The following SAMD4B variants were observed in gnomAD, a reference collection of about 807,000 sequenced individuals.
SAMD4B encodes protein Smaug homolog 2.
SAMD4B carries 5 observed loss-of-function variants against 74.5 expected under a neutral mutation model. That is an observed-to-expected ratio of 0.07 (90% CI 0.04 to 0.14). The LOEUF (loss-of-function observed/expected upper bound fraction) is 0.14, where lower values mean the gene tolerates loss of function less well. SAMD4B is among the 10% of genes least tolerant of loss of function. The pLI, the probability that SAMD4B is intolerant of heterozygous loss-of-function variation, is 1.00. For missense variants in SAMD4B, 608 were observed against 921.8 expected (o/e 0.66, Z 4.41); for synonymous variants, 373 against 374.9 (o/e 1.00, Z 0.06).
At chr19:39,345,723 G>A (rs2075655975) in intron 1 of SAMD4B, among the ~76,000 whole-genome samples, 1 of 152,112 alleles carries the variant, frequency 6.6e-6, no homozygotes, top group Non-Finnish European at 1.5e-5. Flanking sequence ...CCACAAGGTG[G>A]GATCTACTCT....
downstream of SAMD4B, chr19:39,386,405 T>C: frequency 6.2e-7 from 1 of 1,614,130 alleles, no homozygotes; most frequent in Non-Finnish European, 8.5e-7. The surrounding 1 kb of genome is among the most constrained non-coding windows in gnomAD (Gnocchi z 6.1). Context: ...GCTCCTCATC[T>C]GGAAGGGAGT....
downstream of SAMD4B, among the ~76,000 whole-genome samples, chr19:39,390,528 G>A (rs1197229369): frequency 6.6e-6 from 1 of 152,206 alleles, no homozygotes; most frequent in African/African-American, 2.4e-5. Flanking sequence ...TTTTGCAGGA[G>A]ATGGCTTCAA....
At chr19:39,367,532 C>T (rs763124615) in intron 3 of SAMD4B, among the ~76,000 whole-genome samples, 14 of 109,642 alleles carry the variant, frequency 1.3e-4, no homozygotes, top group South Asian at 5.9e-4. Flanking sequence ...TTTTTTGAGA[C>T]GGAGTCTCAC....
In SAMD4B at chr19:39,383,932, T is replaced by A; in HGVS notation, c.*405T>A. ...CCTTGTGGAGCCTGCTCAGAAACAT[T>A]TGACATTTGGGGTGACGCGCAGGGC... is the stretch of plus-strand genomic sequence containing the variant. On this transcript the variant is annotated 3_prime_UTR_variant, in exon 14 of 14. Coordinates refer to ENST00000610417, the MANE Select transcript of SAMD4B (RefSeq NM_001384574.2). This position sits in a 1 kb window ranked among gnomAD's most constrained non-coding sequence, Gnocchi z 4.1. 1 of 569,362 alleles carries A rather than the reference T, an allele frequency of 1.8e-6. No homozygotes were observed. Among genetic ancestry groups the A allele is most frequent in the Non-Finnish European group, 3.1e-6 (1 of 320,178 alleles). 35.3% of individuals were successfully genotyped at this position (569,362 alleles called of 1,614,324 possible). A position where few individuals can be genotyped will look rare whatever the true frequency, so the allele number is the denominator to read the frequency against.
chr19:39,377,574 GGCCACCGTGGCTGCC>G lies in SAMD4B; in HGVS notation c.1201_1215del (p.Val401_Thr405del). On this transcript the variant is annotated inframe_deletion, in exon 8 of 14. Coordinates refer to ENST00000610417, the MANE Select transcript of SAMD4B (RefSeq NM_001384574.2). ...CCATCAAGGCCTACAGTGTCCTCCA[GGCCACCGTGGCTGCC>G]GCCACCACCACCCCTACTGCCAAGG... The G allele has an allele frequency of 6.2e-7, 1 of 1,613,852 alleles. No homozygotes were observed. Among genetic ancestry groups the G allele is most frequent in the South Asian group, 1.1e-5 (1 of 91,010 alleles).
chr19:39,387,619 A>C (rs1336801298), downstream of SAMD4B, among the ~76,000 whole-genome samples: 1 of 152,220 alleles, frequency 6.6e-6, no homozygotes, highest in African/African-American at 2.4e-5. Flanking sequence ...AAGACTTCCC[A>C]ACTCTACACC....
At chr19:39,359,741 CTT>C (rs1308735267) in intron 3 of SAMD4B, among the ~76,000 whole-genome samples, 5 of 152,192 alleles carry the variant, frequency 3.3e-5, no homozygotes, top group Non-Finnish European at 5.9e-5. Flanking sequence ...CTTCAGAGTT[CTT>C]TAGAGCTCTT....
intron 1 of SAMD4B, chr19:39,352,039 C>T (rs2145305204): frequency 6.6e-6 from 1 of 152,390 alleles, no homozygotes; most frequent in East Asian, 1.9e-4. Context: ...CAGGCGGCCT[C>T]TGGCCCTTTA....
At chr19:39,386,516 C>CTCCTCT (rs779986893), downstream of SAMD4B, 3 of 1,614,234 alleles carry the variant, frequency 1.9e-6, no homozygotes, top group African/African-American at 1.3e-5. The surrounding 1 kb of genome is among the most constrained non-coding windows in gnomAD (Gnocchi z 6.1). Context: ...CTGTCTCCAT[C>CTCCTCT]TCCTCTTCCT....
At chr19:39,386,835 A>G (rs776265076), downstream of SAMD4B, 6 of 1,455,916 alleles carry the variant, frequency 4.1e-6, no homozygotes, top group South Asian at 5.7e-5. This position sits in a 1 kb window ranked among gnomAD's most constrained non-coding sequence, Gnocchi z 6.1. Context: ...GAAGTGGAAG[A>G]TGCAGTTAAA....
Position 39,384,679 on chromosome 19 carries a change from A to C in SAMD4B, c.*1152A>C, listed in dbSNP as rs1159303496. 5 of 152,448 alleles carry C rather than the reference A, an allele frequency of 3.3e-5. No individual in the cohort carries two copies. The highest frequency in any genetic ancestry group is 1.2e-4 in the African/African-American group (5 of 41,382). The allele number at this position is 152,448 out of a possible 1,614,324, so 9.4% of individuals were successfully genotyped here. A position where few individuals can be genotyped will look rare whatever the true frequency, so the allele number is the denominator to read the frequency against. ...AGGGGTTGTGTTGGGGCCCAGGTGG[A>C]GGGAGGGGATTTGGGGGTTCAGACT... is the stretch of plus-strand genomic sequence containing the variant. On this transcript the variant is annotated 3_prime_UTR_variant, in exon 14 of 14. Transcript: ENST00000610417.
intron 4 of SAMD4B, among the ~76,000 whole-genome samples, chr19:39,374,223 A>T (rs1248951675): frequency 2.6e-5 from 4 of 152,012 alleles, no homozygotes; most frequent in African/African-American, 9.7e-5. Context: ...GTGAGCCAAG[A>T]TTGCACCACC....
At chr19:39,387,021 CTGTG>C (rs896397972), downstream of SAMD4B, 15 of 601,828 alleles carry the variant, frequency 2.5e-5, no homozygotes, top group African/African-American at 2.6e-4. Flanking sequence ...TTGCCCTACA[CTGTG>C]TGTGTGTGTT....
downstream of SAMD4B, chr19:39,389,824 C>T: frequency 1.2e-6 from 2 of 1,607,350 alleles, no homozygotes. This position sits in a 1 kb window ranked among gnomAD's most constrained non-coding sequence, Gnocchi z 5.3. Context: ...AGCCCTGCTT[C>T]CCAGAGGCGG....
chr19:39,384,013 C>T lies in SAMD4B; in HGVS notation c.*486C>T. Reference sequence around the variant, plus strand: ...AGGAGCTGGGGAGAAGGAAGGGGAGCAAGGAGAGGAAGCTCTCTCTCCTCT... The same window carrying T: ...AGGAGCTGGGGAGAAGGAAGGGGAGTAAGGAGAGGAAGCTCTCTCTCCTCT... On this transcript the variant is annotated 3_prime_UTR_variant, in exon 14 of 14. Transcript: ENST00000610417. The T allele has an allele frequency of 2.4e-6, 1 of 412,986 alleles. No individual in the cohort carries two copies. The highest frequency in any genetic ancestry group is 4.3e-6 in the Non-Finnish European group (1 of 230,906). The allele number at this position is 412,986 out of a possible 1,614,324, so 25.6% of individuals were successfully genotyped here. A position where few individuals can be genotyped will look rare whatever the true frequency, so the allele number is the denominator to read the frequency against.
At chr19:39,386,090 G>A (rs371726994), downstream of SAMD4B, 77 of 1,613,996 alleles carry the variant, frequency 4.8e-5, no homozygotes, top group African/African-American at 9.3e-5. This position sits in a 1 kb window ranked among gnomAD's most constrained non-coding sequence, Gnocchi z 6.1. Flanking sequence ...AGGGACTGGC[G>A]CTGCGGCTGT....
chr19:39,360,759 C>T (rs779702068), intron 3 of SAMD4B, among the ~76,000 whole-genome samples: 2 of 152,198 alleles, frequency 1.3e-5, no homozygotes, highest in African/African-American at 4.8e-5. Context: ...TTATTATGGC[C>T]TTCCCATTCC....
intron 3 of SAMD4B, chr19:39,360,038 T>G (rs994873849): frequency 6.6e-6 from 1 of 151,810 alleles, no homozygotes; most frequent in African/African-American, 2.4e-5. Context: ...ACAAAAAAAT[T>G]AGCCGGGCGT....
rs144907205 is a variant in SAMD4B, at chr19:39,374,437, G to A, written c.668-1213G>A. ...GGGAGGTAGTGAGGCCCCATAACAG[G>A]GTTGTTGAGGAAGCAGCTTACGTAC... On this transcript the variant is annotated intron_variant, in intron 4 of 13. Transcript: ENST00000610417. Among the ~76,000 whole-genome samples, 102 of 152,292 alleles carry A rather than the reference G, an allele frequency of 6.7e-4. 1 individual carries two copies. The highest frequency in any genetic ancestry group is 2.2e-3 in the African/African-American group (90 of 41,550).
Sources: gnomAD v4.1 joint callset for allele counts (sites outside exome capture counted in the v4.1 genomes callset) on GRCh38, gnomAD v4.1.1 for gene constraint, Gnocchi (gnomAD v3.1) non-coding constraint, MANE v1.5 for transcripts, NCBI Gene and HGNC (gene_info 2026-07-23, HGNC 2026-07-21) for gene names.